MSRA: variants seen among roughly 807,000 people sequenced by gnomAD.
MSRA encodes methionine sulfoxide reductase A, also known as mitochondrial peptide methionine sulfoxide reductase.
MSRA carries 54 observed loss-of-function variants against 31.3 expected under a neutral mutation model. That is an observed-to-expected ratio of 1.73 (90% CI 1.39 to 2.17). The LOEUF is 2.17. Ranked by LOEUF, MSRA falls within the 30% of genes most tolerant of loss-of-function variation. The pLI, the probability that MSRA is intolerant of heterozygous loss-of-function variation, is 0.00. For missense variants in MSRA, 507 were observed against 300.9 expected, an observed-to-expected ratio of 1.69 and a Z score of -5.07; for synonymous variants, 169 against 116.5, an observed-to-expected ratio of 1.45 and a Z score of -2.90.
rs375101017 is a variant in MSRA, at chr8:10,405,489, G to C, written c.544-22659G>C. Reference sequence around the variant, plus strand: ...TAAAGAGAGAGAGAGAATAAAATGTGAGTTACATGCCCGGCATTTTTTTTT... The same window carrying C: ...TAAAGAGAGAGAGAGAATAAAATGTCAGTTACATGCCCGGCATTTTTTTTT... On this transcript the variant is annotated intron_variant, in intron 5 of 5. Transcript: ENST00000317173. 1.1e-4 allele frequency among the ~76,000 whole-genome samples: 16 copies of C among 152,300 alleles called. No individual in the cohort carries two copies. In the South Asian group the frequency reaches 3.3e-3, roughly 32 times the overall value.
intron 5 of MSRA, among the ~76,000 whole-genome samples, chr8:10,325,588 CTG>C (rs1468817423): frequency 1.3e-5 from 2 of 152,176 alleles, no homozygotes; most frequent in East Asian, 1.9e-4. Context: ...GAATTTCTGA[CTG>C]TTTATTCAGT....
chr8:10,239,164 A>T (rs1039733874), intron 2 of MSRA, among the ~76,000 whole-genome samples: 3 of 151,988 alleles, frequency 2.0e-5, no homozygotes, highest in African/African-American at 4.8e-5. Context: ...TGTATATGAC[A>T]TAATTTTTTT....
chr8:10,126,846 A>G (rs1372890586), intron 1 of MSRA, among the ~76,000 whole-genome samples: 1 of 152,178 alleles, frequency 6.6e-6, no homozygotes, highest in African/African-American at 2.4e-5. Flanking sequence ...ACGTGCTTAG[A>G]TATCTTGCAC....
chr8:10,242,281 AAAG>A (rs887512804), intron 2 of MSRA, among the ~76,000 whole-genome samples: 12 of 152,108 alleles, frequency 7.9e-5, no homozygotes, highest in African/African-American at 2.9e-4. Context: ...AAAAAAAAAA[AAAG>A]AACTTAAAGA....
chr8:10,230,121 T>G (rs1419570728), intron 2 of MSRA, among the ~76,000 whole-genome samples: 1 of 152,248 alleles, frequency 6.6e-6, no homozygotes, highest in Non-Finnish European at 1.5e-5. Context: ...CTGTGCTATG[T>G]GACAGAATAC....
intron 1 of MSRA, among the ~76,000 whole-genome samples, chr8:10,064,357 A>AAT (rs1797353748): frequency 2.1e-5 from 3 of 144,278 alleles, no homozygotes; most frequent in African/African-American, 2.5e-5. Flanking sequence ...GCTTTTGCCC[A>AAT]TTTTTTTTTT....
intron 1 of MSRA, chr8:10,095,890 A>G (rs895456572): frequency 1.5e-6 from 2 of 1,293,362 alleles, no homozygotes; most frequent in Non-Finnish European, 2.0e-6. Flanking sequence ...TGCATGTATG[A>G]TTATACCATG....
intron 1 of MSRA, among the ~76,000 whole-genome samples, chr8:10,090,923 C>T (rs6988046): frequency 1.3e-5 from 2 of 152,256 alleles, no homozygotes; most frequent in South Asian, 2.1e-4. Context: ...ACATTGTATC[C>T]GTTCATCAGC....
chr8:10,395,812 C>G (rs757155543), intron 5 of MSRA, among the ~76,000 whole-genome samples: 1 of 152,206 alleles, frequency 6.6e-6, no homozygotes, highest in Non-Finnish European at 1.5e-5. Context: ...GTCCCATCTT[C>G]TGTGGGTTTC....
intron 3 of MSRA, among the ~76,000 whole-genome samples, chr8:10,251,334 T>C (rs1298274324): frequency 6.6e-6 from 1 of 152,192 alleles, no homozygotes; most frequent in African/African-American, 2.4e-5. Context: ...TAACAGATTT[T>C]ATCAAGCAAT....
At chr8:10,162,976 A>T (rs1409001684) in intron 1 of MSRA, among the ~76,000 whole-genome samples, 2 of 152,110 alleles carry the variant, frequency 1.3e-5, no homozygotes, top group African/African-American at 4.8e-5. Context: ...CTAGCCCACA[A>T]ATTCGTAAGT....
At chr8:10,238,502 A>G (rs74364673) in intron 2 of MSRA, among the ~76,000 whole-genome samples, 9,911 of 152,310 alleles carry the variant, frequency 0.065, 430 homozygotes, top group South Asian at 0.17. Flanking sequence ...TTCCTGGCAT[A>G]TAGTAGGCAC....
intron 5 of MSRA, among the ~76,000 whole-genome samples, chr8:10,424,523 G>C (rs1455346257): frequency 1.3e-5 from 2 of 151,548 alleles, no homozygotes; most frequent in Non-Finnish European, 2.9e-5. Flanking sequence ...AGAAGGGCCT[G>C]GGGTGGAGTG....
chr8:10,355,797 C>T (rs1002786194), intron 5 of MSRA, among the ~76,000 whole-genome samples: 1 of 152,104 alleles, frequency 6.6e-6, no homozygotes, highest in Non-Finnish European at 1.5e-5. Context: ...TATGCCATAT[C>T]AGGGAGGCCC....
chr8:10,152,722 C>CG (rs1302490070), intron 1 of MSRA, among the ~76,000 whole-genome samples: 1 of 152,224 alleles, frequency 6.6e-6, no homozygotes, highest in Non-Finnish European at 1.5e-5. Flanking sequence ...ACGCACACTT[C>CG]ATGTTCACAG....
chr8:10,404,020 A>G (rs1275503582), intron 5 of MSRA, among the ~76,000 whole-genome samples: 1 of 152,230 alleles, frequency 6.6e-6, no homozygotes, highest in Admixed American at 6.5e-5. Context: ...TCACTGTAGG[A>G]AAGATTTCTC....
rs17738616 is a variant in MSRA, at chr8:10,058,734, A to C, written c.142+4076A>C. Among the ~76,000 whole-genome samples, 1,228 of 152,346 alleles carry C rather than the reference A, an allele frequency of 8.1e-3. 13 individuals are homozygous for C. The highest frequency in any genetic ancestry group is 0.024 in the South Asian group (114 of 4,826). On this transcript the variant is annotated intron_variant, in intron 1 of 5. Transcript: ENST00000317173. ...CCAAGACGAGGAGTGAGAACAGCCT[A>C]GTACCTTTTACAGTGTGCACTGTTA... is the stretch of plus-strand genomic sequence containing the variant.
chr8:10,199,452 T>A (rs1161265258), intron 1 of MSRA, among the ~76,000 whole-genome samples: 1 of 152,236 alleles, frequency 6.6e-6, no homozygotes, highest in African/African-American at 2.4e-5. Flanking sequence ...CCTGAGTAGC[T>A]GGGACTACAA....
chr8:10,176,975 C>T (rs1585099303), intron 1 of MSRA, among the ~76,000 whole-genome samples: 1 of 152,204 alleles, frequency 6.6e-6, no homozygotes. Context: ...GGGCTGTAAC[C>T]TCACCCAGTT....
Sources: gnomAD v4.1 joint callset for allele counts (sites outside exome capture counted in the v4.1 genomes callset) on GRCh38, gnomAD v4.1.1 for gene constraint, MANE v1.5 for transcripts, NCBI Gene and HGNC (gene_info 2026-07-23, HGNC 2026-07-21) for gene names.